SNX29: variants seen among roughly 807,000 people sequenced by gnomAD.
SNX29 encodes sorting nexin 29, also known as sorting nexin-29.
In SNX29, 78 loss-of-function variants were observed where a neutral mutation model predicts 102.1. The ratio of observed to expected loss-of-function variants is 0.76; its 90% confidence interval spans 0.64 to 0.92. The LOEUF is 0.92. Among genes scored for constraint, SNX29 ranks in the 40% least tolerant of loss-of-function variants. The pLI is 0.00. For synonymous variants in SNX29, 580 were observed against 414.5 expected, an observed-to-expected ratio of 1.40 and a Z score of -4.85; for missense variants, 1,280 against 1,061.7, an observed-to-expected ratio of 1.21 and a Z score of -2.86.
chr16:12,263,626 GTTAC>G (rs978923347), intron 14 of SNX29, among the ~76,000 whole-genome samples: 15 of 152,122 alleles, frequency 9.9e-5, no homozygotes, highest in African/African-American at 3.4e-4. Context: ...GTGAACATAT[GTTAC>G]TTATATAATT....
At chr16:12,269,837 C>T (rs550572739) in intron 14 of SNX29, among the ~76,000 whole-genome samples, 35 of 129,318 alleles carry the variant, frequency 2.7e-4, no homozygotes, top group African/African-American at 7.0e-4. Flanking sequence ...ATCATCATCA[C>T]CATCATCATC....
At chr16:12,041,945 AT>A (rs2049896488) in intron 4 of SNX29, among the ~76,000 whole-genome samples, 1 of 152,214 alleles carries the variant, frequency 6.6e-6, no homozygotes, top group South Asian at 2.1e-4. Flanking sequence ...ACTCTTGAAA[AT>A]GTCAATATTG....
At chr16:12,540,368 T>G (rs1167187027) in intron 20 of SNX29, among the ~76,000 whole-genome samples, 1 of 152,202 alleles carries the variant, frequency 6.6e-6, no homozygotes, top group Non-Finnish European at 1.5e-5. Flanking sequence ...ATTAATTTCT[T>G]ATTGTTGCCC....
chr16:12,515,089 A>G (rs1037895798), intron 19 of SNX29, among the ~76,000 whole-genome samples: 8 of 152,126 alleles, frequency 5.3e-5, no homozygotes, highest in African/African-American at 1.9e-4. Flanking sequence ...GCTGCTACTA[A>G]TAATGATGAT....
chr16:12,258,534 C>G (rs138287109), intron 14 of SNX29, among the ~76,000 whole-genome samples: 1 of 152,244 alleles, frequency 6.6e-6, no homozygotes, highest in Non-Finnish European at 1.5e-5. Context: ...ATTCTCCTTA[C>G]TTATCTGCTC....
intron 14 of SNX29, among the ~76,000 whole-genome samples, chr16:12,268,058 C>T (rs962442347): frequency 1.3e-5 from 2 of 152,206 alleles, no homozygotes; most frequent in African/African-American, 2.4e-5. Flanking sequence ...CTGTGCGGAG[C>T]TCACTCCCCT....
At chr16:12,568,126 G>T (rs116043205) in intron 20 of SNX29, among the ~76,000 whole-genome samples, 1 of 152,094 alleles carries the variant, frequency 6.6e-6, no homozygotes, top group South Asian at 2.1e-4. Flanking sequence ...TTTATGTAGT[G>T]TTCTCCAAAG....
In SNX29 at chr16:12,112,217, C is replaced by T. The variant is rs577859609; in HGVS notation, c.1403-14416C>T. Among the ~76,000 whole-genome samples, 11 of 152,278 alleles carry T rather than the reference C, an allele frequency of 7.2e-5. No individual in the cohort carries two copies. The East Asian group carries it at 2.1e-3, about 29-fold the overall frequency. On this transcript the variant is annotated intron_variant, in intron 11 of 20. Coordinates refer to ENST00000566228, the MANE Select transcript of SNX29 (RefSeq NM_032167.5). ...GGGGAGCTGCCAGCTGCCAGTCTGTCCTGAGAGTGCCCAGTCACGAGCCAC... is the reference window on the plus strand; with the variant it reads ...GGGGAGCTGCCAGCTGCCAGTCTGTTCTGAGAGTGCCCAGTCACGAGCCAC...
At chr16:12,431,310 C>T (rs57122038) in intron 18 of SNX29, among the ~76,000 whole-genome samples, 8,274 of 151,966 alleles carry the variant, frequency 0.054, 509 homozygotes, top group African/African-American at 0.15. Flanking sequence ...CAGTGCAGAT[C>T]CTGAGAACAT....
At chr16:12,006,206 AAATAAT>A (rs58638368) in intron 3 of SNX29, among the ~76,000 whole-genome samples, 26 of 146,724 alleles carry the variant, frequency 1.8e-4, no homozygotes, top group Admixed American at 1.2e-3. Flanking sequence ...CCTGTCTCTA[AAATAAT>A]AATAATAATA....
intron 4 of SNX29, among the ~76,000 whole-genome samples, chr16:12,040,240 A>G (rs1198741128): frequency 6.6e-6 from 1 of 152,098 alleles, no homozygotes; most frequent in Admixed American, 6.6e-5. Flanking sequence ...TTAGCTGGGC[A>G]TGGGGGTGCG....
intron 20 of SNX29, among the ~76,000 whole-genome samples, chr16:12,548,862 C>G (rs1567173334): frequency 6.6e-6 from 1 of 152,234 alleles, no homozygotes; most frequent in African/African-American, 2.4e-5. Context: ...GCTCTGCAGC[C>G]AGGGCCCTTG....
At chr16:12,104,919 C>A (rs1278340107) in intron 11 of SNX29, among the ~76,000 whole-genome samples, 1 of 152,222 alleles carries the variant, frequency 6.6e-6, no homozygotes, top group Non-Finnish European at 1.5e-5. Context: ...GACTTGCCTT[C>A]TAGGGCTGGG....
intron 19 of SNX29, among the ~76,000 whole-genome samples, chr16:12,479,417 G>A (rs766832988): frequency 2.6e-5 from 4 of 152,172 alleles, no homozygotes; most frequent in Non-Finnish European, 4.4e-5. Context: ...TTACATGTGT[G>A]TAGATTTCTA....
intron 1 of SNX29, among the ~76,000 whole-genome samples, chr16:11,997,867 A>G (rs1414318227): frequency 6.6e-6 from 1 of 152,180 alleles, no homozygotes; most frequent in Non-Finnish European, 1.5e-5. Flanking sequence ...TGCCTCACAT[A>G]CACTAGAAGT....
chr16:12,142,855 C>T (rs1380745921), intron 13 of SNX29, among the ~76,000 whole-genome samples: 1 of 152,038 alleles, frequency 6.6e-6, no homozygotes, highest in African/African-American at 2.4e-5. Flanking sequence ...GCCACCGCTT[C>T]TGGCCGATAT....
Position 12,390,180 on chromosome 16 carries a change from G to GTATGTATA in SNX29, c.1900-8264_1900-8257dup, listed in dbSNP as rs2083478136. Among the ~76,000 whole-genome samples the GTATGTATA allele has an allele frequency of 6.0e-5, 9 of 148,984 alleles. 1 individual carries two copies. The South Asian group carries it at 1.9e-3, about 32-fold the overall frequency. ...TGTGTGTGTGTGTGTGTGTGTGTGT[G>GTATGTATA]TATGTATATGTATATGTGTGCACGC... On this transcript the variant is annotated intron_variant, in intron 16 of 20. Transcript: ENST00000566228.
chr16:12,537,485 G>C (rs533011885), intron 20 of SNX29, among the ~76,000 whole-genome samples: 1 of 152,312 alleles, frequency 6.6e-6, no homozygotes, highest in South Asian at 2.1e-4. Flanking sequence ...TAAAATTGGT[G>C]ATAGTGGCAG....
At chr16:12,508,539 T>C (rs1447431945) in intron 19 of SNX29, among the ~76,000 whole-genome samples, 1 of 152,246 alleles carries the variant, frequency 6.6e-6, no homozygotes, top group African/African-American at 2.4e-5. Context: ...TGGAGAGATC[T>C]TGCCTAATGA....
Sources: allele counts gnomAD v4.1 joint callset (sites outside exome capture counted in the v4.1 genomes callset), GRCh38; gene constraint gnomAD v4.1.1; transcripts MANE v1.5; gene names NCBI Gene and HGNC (gene_info 2026-07-23, HGNC 2026-07-21).